Variants in LRP1B observed in about 807,000 individuals in gnomAD.
The protein encoded by LRP1B is LDL receptor related protein 1B, also known as low-density lipoprotein receptor-related protein 1B.
Under a neutral mutation model 556.6 loss-of-function variants are expected in LRP1B, and 217 were observed. The observed-to-expected ratio is 0.39, with a 90% CI of 0.35 to 0.44. The LOEUF (loss-of-function observed/expected upper bound fraction) is 0.44. LRP1B is among the 20% of genes least tolerant of loss of function. The probability of loss-of-function intolerance (pLI) is 1.00; values close to 1 mark genes in which losing one functional copy is unlikely to be tolerated. For missense variants in LRP1B, 5,053 were observed against 5,620.8 expected, an observed-to-expected ratio of 0.90 and a Z score of 3.23; for synonymous variants, 2,047 against 1,865.8, an observed-to-expected ratio of 1.10 and a Z score of -2.50.
intron 43 of LRP1B, among the ~76,000 whole-genome samples, chr2:140,572,894 T>A: frequency 6.6e-6 from 1 of 151,820 alleles, no homozygotes; most frequent in East Asian, 1.9e-4. Context: ...TTAAGTGAAA[T>A]AAACCAGGCA....
chr2:141,028,523 A>G (rs1310824214), intron 11 of LRP1B, among the ~76,000 whole-genome samples: 1 of 152,014 alleles, frequency 6.6e-6, no homozygotes, highest in Non-Finnish European at 1.5e-5. Context: ...AAAAATATGT[A>G]AGGTTTTACA....
chr2:141,156,706 A>C (rs1489194120), intron 7 of LRP1B, among the ~76,000 whole-genome samples: 1 of 152,056 alleles, frequency 6.6e-6, no homozygotes, highest in Non-Finnish European at 1.5e-5. Context: ...GCTGAGAGAG[A>C]GTTCTCTCAT....
chr2:141,066,554 G>A (rs1248684584), intron 7 of LRP1B, among the ~76,000 whole-genome samples: 1 of 151,818 alleles, frequency 6.6e-6, no homozygotes, highest in Non-Finnish European at 1.5e-5. Flanking sequence ...AATAAGAATT[G>A]CTTTTGCCAG....
Position 140,907,732 on chromosome 2 carries a change from G to A in LRP1B, c.3520+145C>T, listed in dbSNP as rs1694298416. On this transcript the variant is annotated intron_variant, in intron 22 of 90. Transcript: ENST00000389484. ...CTTTTACTGTAGCCTTAGAGTGTCT[G>A]AGAAATGTAGACAAGGTTCAATGCT... 1.3e-5 allele frequency: 10 copies of A among 751,102 alleles called. No homozygotes were observed. In the East Asian group the frequency reaches 2.0e-4, roughly 15 times the overall value. The allele number at this position is 751,102 out of a possible 1,614,324, so 46.5% of individuals were successfully genotyped here.
chr2:141,427,610 T>A (rs1314229999), intron 3 of LRP1B, among the ~76,000 whole-genome samples: 1 of 152,228 alleles, frequency 6.6e-6, no homozygotes, highest in African/African-American at 2.4e-5. Context: ...TTCATATATA[T>A]GTATGTCTAT....
chr2:141,431,142 A>AAAATAAATAAATAAGT, intron 3 of LRP1B, among the ~76,000 whole-genome samples: 1 of 148,294 alleles, frequency 6.7e-6, no homozygotes, highest in South Asian at 2.2e-4. Context: ...TCAAAAAATC[A>AAAATAAATAAATAAGT]AAATAAATAA....
intron 2 of LRP1B, among the ~76,000 whole-genome samples, chr2:141,809,204 C>T (rs1199649339): frequency 6.6e-6 from 1 of 152,074 alleles, no homozygotes; most frequent in Non-Finnish European, 1.5e-5. Context: ...TTCAGGTATT[C>T]ACCTTTTGAG....
At chr2:141,413,868 GGAGAGAGAGA>G (rs139239783) in intron 3 of LRP1B, among the ~76,000 whole-genome samples, 1 of 148,140 alleles carries the variant, frequency 6.8e-6, no homozygotes, top group African/African-American at 2.5e-5. Flanking sequence ...GACACAGTGA[GGAGAGAGAGA>G]GAGAGAGAGA....
chr2:141,441,990 G>T (rs1680995868), intron 3 of LRP1B, among the ~76,000 whole-genome samples: 1 of 151,978 alleles, frequency 6.6e-6, no homozygotes, highest in South Asian at 2.1e-4. Flanking sequence ...CATCACCCAG[G>T]AGCAATTACC....
chr2:141,384,155 C>T (rs1689744884), intron 3 of LRP1B, among the ~76,000 whole-genome samples: 1 of 151,876 alleles, frequency 6.6e-6, no homozygotes, highest in East Asian at 1.9e-4. Context: ...GCTCTAGTTA[C>T]ATGCCAAAGC....
At chr2:141,596,988 A>C (rs1403419444) in intron 2 of LRP1B, among the ~76,000 whole-genome samples, 1 of 151,332 alleles carries the variant, frequency 6.6e-6, no homozygotes, top group Non-Finnish European at 1.5e-5. Flanking sequence ...TGTAAAAAAA[A>C]GTCAGAACTG....
intron 26 of LRP1B, 82 bp from the exon 27 acceptor site, chr2:140,867,916 G>C (rs1693000776): frequency 1.4e-6 from 2 of 1,385,080 alleles, no homozygotes; most frequent in Non-Finnish European, 1.9e-6. Flanking sequence ...TCAGCTAAAT[G>C]ACAAAAAAGG....
intron 71 of LRP1B, among the ~76,000 whole-genome samples, chr2:140,366,079 AAAG>A (rs1187361889): frequency 6.6e-6 from 1 of 151,736 alleles, no homozygotes; most frequent in Non-Finnish European, 1.5e-5. Flanking sequence ...TGGATTGTAG[AAAG>A]AAAACTCTAG....
At chr2:141,034,398 A>C (rs543751190) in intron 11 of LRP1B, among the ~76,000 whole-genome samples, 22 of 152,186 alleles carry the variant, frequency 1.4e-4, no homozygotes, top group African/African-American at 4.1e-4. Flanking sequence ...ACAGCAAAAG[A>C]AACTACCATC....
At chr2:140,357,550 A>T (rs1370034847) in intron 74 of LRP1B, among the ~76,000 whole-genome samples, 1 of 142,766 alleles carries the variant, frequency 7.0e-6, no homozygotes, top group Admixed American at 7.1e-5. Flanking sequence ...CACTGTAACT[A>T]AAAAAAAAAA....
chr2:141,685,397 T>C (rs920201408), intron 2 of LRP1B, among the ~76,000 whole-genome samples: 2 of 152,042 alleles, frequency 1.3e-5, no homozygotes, highest in Non-Finnish European at 2.9e-5. Context: ...TTTTTGCAAA[T>C]GTTGGGATGG....
chr2:140,463,878 T>C (rs978103846), intron 60 of LRP1B, among the ~76,000 whole-genome samples: 5 of 152,136 alleles, frequency 3.3e-5, no homozygotes, highest in African/African-American at 1.2e-4. Flanking sequence ...TAAATAAGTG[T>C]AATACGTAAT....
At chr2:141,011,506 A>G (rs1031036031) in intron 14 of LRP1B, among the ~76,000 whole-genome samples, 22 of 152,052 alleles carry the variant, frequency 1.4e-4, no homozygotes, top group African/African-American at 3.9e-4. Flanking sequence ...TAATTTCTAT[A>G]TTGTATTGCT....
chr2:140,551,524 T>A (rs1274602375), intron 43 of LRP1B, among the ~76,000 whole-genome samples: 1 of 152,162 alleles, frequency 6.6e-6, no homozygotes, highest in East Asian at 1.9e-4. Flanking sequence ...ATATAACACA[T>A]TCCTTTCTAC....
Sources: allele counts gnomAD v4.1 joint callset (sites outside exome capture counted in the v4.1 genomes callset), GRCh38; gene constraint gnomAD v4.1.1; transcripts MANE v1.5; gene names NCBI Gene and HGNC (gene_info 2026-07-23, HGNC 2026-07-21).